The following BORA variants were observed in gnomAD, a reference collection of about 807,000 sequenced individuals.
The protein encoded by BORA is protein aurora borealis.
In BORA, 26 loss-of-function variants were observed where a neutral mutation model predicts 55.8. The observed-to-expected ratio is 0.47, with a 90% CI of 0.34 to 0.65. BORA has a LOEUF of 0.65. Among genes scored for constraint, BORA ranks in the 30% least tolerant of loss-of-function variants. The probability of loss-of-function intolerance (pLI) is 0.01; values close to 1 mark genes in which losing one functional copy is unlikely to be tolerated. For missense variants in BORA, 568 were observed against 671.5 expected, an observed-to-expected ratio of 0.85 and a Z score of 1.70; for synonymous variants, 201 against 216.9, an observed-to-expected ratio of 0.93 and a Z score of 0.64.
chr13:72,751,388 G>A (rs1461581000), intron 10 of BORA, among the ~76,000 whole-genome samples: 1 of 152,096 alleles, frequency 6.6e-6, no homozygotes, highest in Non-Finnish European at 1.5e-5. Flanking sequence ...AGAAAATGTG[G>A]TATATATACA....
chr13:72,746,144 TTTTAA>T (rs2033136122), intron 9 of BORA, 68 bp downstream of exon 9: 3 of 1,382,676 alleles, frequency 2.2e-6, no homozygotes, highest in Admixed American at 2.0e-5. Context: ...AGAGAGGTTC[TTTTAA>T]TTTGTCTTAA....
rs116961518 is a variant in BORA, at chr13:72,749,835, T to C, written c.1482+2724T>C. The stretch of plus-strand genomic sequence containing the variant: ...TTTTTTTCATTGACAACTTATTGAT[T>C]ACATCCTCAAGCCTTCCCAGATCAC... On this transcript the variant is annotated intron_variant, in intron 10 of 11. Transcript: ENST00000390667. Among the ~76,000 whole-genome samples the C allele has an allele frequency of 8.5e-5, 13 of 152,294 alleles. No homozygotes were observed. The East Asian group carries it at 2.5e-3, about 29-fold the overall frequency.
chr13:72,746,637 G>C lies in BORA; in HGVS notation c.1008G>C (p.Gln336His). ...AAAATTGGTCTCCTATGAGACTTCAGATGTATAGTGGTGGTACTCAGTATC... is the reference window on the plus strand; with the variant it reads ...AAAATTGGTCTCCTATGAGACTTCACATGTATAGTGGTGGTACTCAGTATC... The part of the protein sequence containing the change: ...PIKNWSPMRL[Q>H]MYSGGTQYRT... The change falls in exon 10 of 12, where the codon CAG becomes CAC. Residue 336 changes from glutamine (Q) to histidine (H), a missense_variant. Physicochemically the swap from Gln to His is conservative, Grantham distance 24. Coordinates refer to ENST00000390667, the MANE Select transcript of BORA (RefSeq NM_024808.5). 1 of 1,614,112 alleles carries C rather than the reference G, an allele frequency of 6.2e-7. No individual in the cohort carries two copies. Among genetic ancestry groups the C allele is most frequent in the Non-Finnish European group, 8.5e-7 (1 of 1,180,002 alleles).
At chr13:72,744,645 A>C in intron 7 of BORA, 84 bp downstream of exon 7, 2 of 1,037,558 alleles carry the variant, frequency 1.9e-6, no homozygotes, top group Non-Finnish European at 2.9e-6. Context: ...TAACATGGGA[A>C]ATATGTGGCA....
In BORA at chr13:72,744,989, T is replaced by C; in HGVS notation, c.520T>C (p.Phe174Leu). The part of the protein sequence containing the change: ...FNLENILGDY[F>L]RADEFADQSP... ...CCTATTATTAAATATAGGTGACTAT[T>C]TTAGAGCTGATGAATTTGCAGATCA... is the stretch of plus-strand genomic sequence containing the variant. The change falls in exon 8 of 12, where the codon TTT (phenylalanine) becomes CTT (leucine). Residue 174 changes from phenylalanine to leucine, a missense_variant. By Grantham distance (22) the Phe-to-Leu change is conservative. Coordinates refer to ENST00000390667, the MANE Select transcript of BORA (RefSeq NM_024808.5). The C allele has an allele frequency of 1.2e-6, 2 of 1,613,676 alleles. No individual in the cohort carries two copies. The highest frequency in any genetic ancestry group is 1.7e-6 in the Non-Finnish European group (2 of 1,179,720).
Position 72,755,285 on chromosome 13 carries a change from C to T in BORA, c.*69C>T. On this transcript the variant is annotated 3_prime_UTR_variant, in exon 12 of 12. Transcript: ENST00000390667. ...CATATATCGTTGTGCACAGGATCAA[C>T]ATGATGGTGACTGGGAAAAAATTAC... 4 of 1,343,786 alleles carry T rather than the reference C, an allele frequency of 3.0e-6. No homozygotes were observed. The highest frequency in any genetic ancestry group is 1.7e-5 in the Admixed American group (1 of 57,322). 83.2% of individuals were successfully genotyped at this position (1,343,786 alleles called of 1,614,324 possible). A position where few individuals can be genotyped will look rare whatever the true frequency, so the allele number is the denominator to read the frequency against.
intron 10 of BORA, among the ~76,000 whole-genome samples, chr13:72,750,870 G>A (rs529544666): frequency 1.3e-5 from 2 of 152,252 alleles, no homozygotes; most frequent in African/African-American, 4.8e-5. Context: ...ACCCTGATAG[G>A]AGTAGCCGCA....
chr13:72,755,039 TCA>T (rs1342609357), intron 11 of BORA, 110 bp from the exon 12 acceptor site: 7 of 803,004 alleles, frequency 8.7e-6, no homozygotes, highest in African/African-American at 8.6e-5. Context: ...TACTGTCCCT[TCA>T]GAGTTCAGCT....
intron 11 of BORA, chr13:72,754,314 C>CTT (rs531119727): frequency 4.1e-4 from 58 of 141,048 alleles, no homozygotes; most frequent in Admixed American, 1.7e-3. Context: ...TCTTTTTTTT[C>CTT]TTTTTTTTTT....
At chr13:72,739,436 T>C (rs1212675503) in intron 5 of BORA, among the ~76,000 whole-genome samples, 1 of 152,216 alleles carries the variant, frequency 6.6e-6, no homozygotes, top group Non-Finnish European at 1.5e-5. Flanking sequence ...GAGACAATTC[T>C]CCATAGGCCT....
chr13:72,745,127 G>C lies in BORA; in HGVS notation c.658G>C (p.Val220Leu), dbSNP rs1225362958. 1 of 1,614,006 alleles carries C rather than the reference G, an allele frequency of 6.2e-7. No individual in the cohort carries two copies. Among genetic ancestry groups the C allele is most frequent in the Non-Finnish European group, 8.5e-7 (1 of 1,179,986 alleles). The change falls in exon 8 of 12, where the codon GTT (valine) becomes CTT (leucine). Residue 220 changes from valine to leucine, a missense_variant. Val to Leu is a conservative substitution (Grantham distance 32). Coordinates refer to ENST00000390667, the MANE Select transcript of BORA (RefSeq NM_024808.5). ...TTCTCCCGGAAGTCCTCACAGTGGT[G>C]TTCAAACATCACTAGAGATGTTTTA... ...SASPGSPHSGVQTSLEMFYSI... is the reference protein window; with the variant it reads ...SASPGSPHSGLQTSLEMFYSI...
Position 72,728,981 on chromosome 13 carries a change from A to T in BORA, c.41A>T (p.Glu14Val). 1 of 1,608,432 alleles carries T rather than the reference A, an allele frequency of 6.2e-7. No individual in the cohort carries two copies. Among genetic ancestry groups the T allele is most frequent in the South Asian group, 1.1e-5 (1 of 89,740 alleles). Residue 14 changes from glutamate (E) to valine (V), a missense_variant, in exon 2 of 12, where the codon GAA (glutamate) becomes GTA (valine). Transcript: ENST00000390667. ...GAATCAAAGATGCAAATAACACCAG[A>T]AACTCCAGGAAGGATCCCTGTTTTA... ...VKESKMQITP[E>V]TPGRIPVLNP...
In BORA at chr13:72,756,098, AG is replaced by A; in HGVS notation, c.*883del. ...TGTTGGGAGTAGATGGGTATATAAC[AG>A]TTTGGAAATACTATCTTTGGAGAAT... On this transcript the variant is annotated 3_prime_UTR_variant, in exon 12 of 12. Coordinates refer to ENST00000390667, the MANE Select transcript of BORA (RefSeq NM_024808.5). The A allele has an allele frequency of 2.5e-6, 1 of 397,168 alleles. No homozygotes were observed. Among genetic ancestry groups the A allele is most frequent in the Non-Finnish European group, 4.4e-6 (1 of 225,552 alleles). 24.6% of individuals were successfully genotyped at this position (397,168 alleles called of 1,614,324 possible). A position where few individuals can be genotyped will look rare whatever the true frequency, so the allele number is the denominator to read the frequency against.
chr13:72,746,217 TAAAAG>T (rs1357065959), intron 9 of BORA, 141 bp downstream of exon 9: 1 of 912,816 alleles, frequency 1.1e-6, no homozygotes, highest in Admixed American at 3.0e-5. Context: ...GATTTTTAAA[TAAAAG>T]AACAGTTTAC....
chr13:72,741,112 TTTTA>T (rs2033025227), intron 5 of BORA, among the ~76,000 whole-genome samples: 1 of 152,186 alleles, frequency 6.6e-6, no homozygotes, highest in African/African-American at 2.4e-5. Context: ...CCTCATGTGT[TTTTA>T]TTTATGGACT....
intron 1 of BORA, chr13:72,728,233 A>C (rs2032727442): frequency 1.4e-6 from 1 of 719,970 alleles, no homozygotes; most frequent in African/African-American, 1.7e-5. Flanking sequence ...TTCCAGAAGT[A>C]GACTCTTTTC....
chr13:72,733,595 C>G (rs759320003), intron 3 of BORA, among the ~76,000 whole-genome samples: 1 of 152,148 alleles, frequency 6.6e-6, no homozygotes, highest in Non-Finnish European at 1.5e-5. Flanking sequence ...AATCCTAGTT[C>G]AGAGCTTACT....
chr13:72,744,430 T>G, intron 6 of BORA, 75 bp from the exon 7 acceptor site: 1 of 1,248,084 alleles, frequency 8.0e-7, no homozygotes, highest in South Asian at 1.3e-5. Context: ...GGGCAGCACA[T>G]GCTGAATTGT....
chr13:72,754,055 T>G (rs1407410418), intron 11 of BORA: 2 of 394,996 alleles, frequency 5.1e-6, no homozygotes, highest in East Asian at 9.3e-5. Context: ...GGGCATTTAC[T>G]GAACCTTCCA....
Sources: allele counts gnomAD v4.1 joint callset (sites outside exome capture counted in the v4.1 genomes callset), GRCh38; gene constraint gnomAD v4.1.1; transcripts MANE v1.5; gene names NCBI Gene and HGNC (gene_info 2026-07-23, HGNC 2026-07-21).